Variants in ANKRD12 observed in about 807,000 individuals in gnomAD.
The protein encoded by ANKRD12 is ankyrin repeat domain 12, also known as ankyrin repeat domain-containing protein 12.
A neutral mutation model predicts 183.4 loss-of-function variants in ANKRD12; 85 were observed. The ratio of observed to expected loss-of-function variants is 0.46; its 90% confidence interval spans 0.39 to 0.56. The LOEUF (loss-of-function observed/expected upper bound fraction) is 0.56, where lower values mean the gene tolerates loss of function less well. Among genes scored for constraint, ANKRD12 ranks in the 20% least tolerant of loss-of-function variants. The probability of loss-of-function intolerance (pLI) is 0.00; values close to 1 mark genes in which losing one functional copy is unlikely to be tolerated. For synonymous variants in ANKRD12, 914 were observed against 800.2 expected, an observed-to-expected ratio of 1.14 and a Z score of -2.40; for missense variants, 2,405 against 2,357.1, an observed-to-expected ratio of 1.02 and a Z score of -0.42.
At chr18:9,141,075 T>C (rs942956770) in intron 1 of ANKRD12, among the ~76,000 whole-genome samples, 3 of 152,064 alleles carry the variant, frequency 2.0e-5, no homozygotes, top group African/African-American at 7.2e-5. Flanking sequence ...CGGGGATTCT[T>C]AAATTTCAGA....
At chr18:9,273,417 A>G (rs757950700) in intron 10 of ANKRD12, among the ~76,000 whole-genome samples, 1 of 152,190 alleles carries the variant, frequency 6.6e-6, no homozygotes, top group Non-Finnish European at 1.5e-5. Context: ...TTCATTATAA[A>G]ACTGCCAACA....
At chr18:9,215,298 C>G (rs1411800797) in intron 6 of ANKRD12, among the ~76,000 whole-genome samples, 3 of 152,112 alleles carry the variant, frequency 2.0e-5, no homozygotes, top group Non-Finnish European at 4.4e-5. Context: ...GGTTTATGAT[C>G]AGGACTGCCC....
intron 4 of ANKRD12, among the ~76,000 whole-genome samples, chr18:9,204,994 A>ACATTTTTTTAAAAAACAC (rs2035396936): frequency 6.6e-6 from 1 of 152,206 alleles, no homozygotes; most frequent in Admixed American, 6.5e-5. Flanking sequence ...CATTTAATAC[A>ACATTTTTTTAAAAAACAC]ATTTTTTTCC....
At chr18:9,269,803 C>G (rs2039497443) in intron 10 of ANKRD12, among the ~76,000 whole-genome samples, 1 of 152,094 alleles carries the variant, frequency 6.6e-6, no homozygotes, top group Non-Finnish European at 1.5e-5. Context: ...TTCTGCACAG[C>G]AAAAGAAACT....
chr18:9,191,981 G>C (rs1356375761), intron 2 of ANKRD12, among the ~76,000 whole-genome samples: 1 of 152,150 alleles, frequency 6.6e-6, no homozygotes, highest in African/African-American at 2.4e-5. Flanking sequence ...CTACAGTAAA[G>C]GCTCTTGCTC....
intron 4 of ANKRD12, among the ~76,000 whole-genome samples, chr18:9,206,716 C>T (rs1027340425): frequency 3.9e-5 from 6 of 151,900 alleles, no homozygotes; most frequent in African/African-American, 1.5e-4. Flanking sequence ...TCTTTCTTTC[C>T]AAAATAATTA....
intron 10 of ANKRD12, among the ~76,000 whole-genome samples, chr18:9,266,014 G>A (rs1385620318): frequency 6.6e-6 from 1 of 152,152 alleles, no homozygotes; most frequent in Non-Finnish European, 1.5e-5. Context: ...TGGAAGAAAA[G>A]GTATCAGTGA....
chr18:9,263,004 A>G (rs2039069348), intron 9 of ANKRD12, among the ~76,000 whole-genome samples: 3 of 150,618 alleles, frequency 2.0e-5, no homozygotes, highest in African/African-American at 7.3e-5. Context: ...TCACCATTTA[A>G]TCAGGCTGGT....
intron 10 of ANKRD12, among the ~76,000 whole-genome samples, chr18:9,264,427 TGTG>T (rs1196070957): frequency 2.0e-5 from 3 of 152,180 alleles, no homozygotes; most frequent in African/African-American, 7.2e-5. Flanking sequence ...CCTCTGAAAA[TGTG>T]GTGTAAACTA....
intron 1 of ANKRD12, among the ~76,000 whole-genome samples, chr18:9,167,194 A>G (rs1444524046): frequency 3.3e-5 from 5 of 152,222 alleles, no homozygotes; most frequent in African/African-American, 7.2e-5. Flanking sequence ...TGACTTGGCA[A>G]TGCGGGCTCT....
intron 8 of ANKRD12, among the ~76,000 whole-genome samples, chr18:9,225,067 C>T (rs914415753): frequency 5.3e-5 from 8 of 151,626 alleles, no homozygotes; most frequent in Non-Finnish European, 7.4e-5. Context: ...AAAAACACCT[C>T]TTCAGTAATT....
chr18:9,142,444 A>G (rs1410177348), intron 1 of ANKRD12, among the ~76,000 whole-genome samples: 3 of 152,236 alleles, frequency 2.0e-5, no homozygotes, highest in African/African-American at 7.2e-5. Context: ...AAGCATTAGC[A>G]AACCTAAAGG....
chr18:9,238,975 A>G (rs2037503897), intron 8 of ANKRD12, among the ~76,000 whole-genome samples: 1 of 152,272 alleles, frequency 6.6e-6, no homozygotes, highest in Non-Finnish European at 1.5e-5. Context: ...TACAAAAATT[A>G]GCAGGGCATG....
At chr18:9,149,027 A>G (rs531936474) in intron 1 of ANKRD12, among the ~76,000 whole-genome samples, 91 of 152,100 alleles carry the variant, frequency 6.0e-4, no homozygotes, top group Middle Eastern at 6.8e-3. Context: ...CACCAGCCCC[A>G]TCTATATCTA....
rs1347580880 is a variant in ANKRD12 at position 9,258,564 on chromosome 18, C to T, written c.5297C>T (p.Ser1766Phe). The T allele has an allele frequency of 1.2e-6, 2 of 1,613,828 alleles. No individual in the cohort carries two copies. Among genetic ancestry groups the T allele is most frequent in the South Asian group, 1.1e-5 (1 of 91,028 alleles). ...TCAGAAAAAGACAGTGAATCCTCAT[C>T]TCCTAGAGGAAGAATAAGATTAACT... Reference protein sequence around the residue: ...LLSEKDSESSSPRGRIRLTED... With the variant: ...LLSEKDSESSFPRGRIRLTED... The change falls in exon 9 of 13, where the codon TCT becomes TTT. Residue 1766 changes from serine (S) to phenylalanine (F), a missense_variant. This residue lies in a region of ANKRD12 where 1,983 missense variants were observed against 1,725.9 expected (regional missense o/e 1.15). Coordinates refer to ENST00000262126, the MANE Select transcript of ANKRD12 (RefSeq NM_015208.5).
At chr18:9,182,652 T>C in intron 2 of ANKRD12, 133 bp downstream of exon 2, 2 of 463,952 alleles carry the variant, frequency 4.3e-6, no homozygotes, top group South Asian at 3.4e-5. Flanking sequence ...TTATGCCCTT[T>C]AGAAATAAAT....
chr18:9,183,085 C>T (rs2033814916), intron 2 of ANKRD12, among the ~76,000 whole-genome samples: 1 of 152,192 alleles, frequency 6.6e-6, no homozygotes, highest in Non-Finnish European at 1.5e-5. Flanking sequence ...ACATTGCCAT[C>T]ATTGTGGAAA....
At chr18:9,218,718 A>G (rs1309992784) in intron 7 of ANKRD12, among the ~76,000 whole-genome samples, 1 of 149,202 alleles carries the variant, frequency 6.7e-6, no homozygotes, top group Non-Finnish European at 1.5e-5. Context: ...CACCCACACT[A>G]GAGTGTAGTG....
At chr18:9,142,587 A>C (rs2078356214) in intron 1 of ANKRD12, among the ~76,000 whole-genome samples, 1 of 152,212 alleles carries the variant, frequency 6.6e-6, no homozygotes, top group South Asian at 2.1e-4. Context: ...AGCTTTAATA[A>C]TTAGTAGTAA....
Sources: allele counts gnomAD v4.1 joint callset (sites outside exome capture counted in the v4.1 genomes callset), GRCh38; gene constraint gnomAD v4.1.1; regional missense constraint gnomAD v4.1.1; transcripts MANE v1.5; gene names NCBI Gene and HGNC (gene_info 2026-07-23, HGNC 2026-07-21).